The following SCHIP1 variants were observed in gnomAD, a reference collection of about 807,000 sequenced individuals.
The protein encoded by SCHIP1 is schwannomin interacting protein 1, also known as schwannomin-interacting protein 1.
A neutral mutation model predicts 29.7 loss-of-function variants in SCHIP1; 8 were observed. The observed-to-expected ratio is 0.27, with a 90% CI of 0.16 to 0.49. The LOEUF is 0.49. Among genes scored for constraint, SCHIP1 ranks in the 20% least tolerant of loss-of-function variants. The pLI, the probability that SCHIP1 is intolerant of heterozygous loss-of-function variation, is 0.99. For synonymous variants in SCHIP1, 76 were observed against 94.9 expected (o/e 0.80, Z 1.16); for missense variants, 193 against 294.6 (o/e 0.66, Z 2.52).
the SCHIP1 span, among the ~76,000 whole-genome samples, chr3:159,279,341 A>G: frequency 6.6e-6 from 1 of 152,110 alleles, no homozygotes; most frequent in Non-Finnish European, 1.5e-5. Flanking sequence ...CATGATTGTG[A>G]GGCCTCCCCA....
At chr3:159,824,958 T>G in the SCHIP1 span, among the ~76,000 whole-genome samples, 1 of 152,214 alleles carries the variant, frequency 6.6e-6, no homozygotes, top group African/African-American at 2.4e-5. Context: ...AATTTAAAAG[T>G]ATGTCTTTCA....
At chr3:159,756,368 C>G in the SCHIP1 span, among the ~76,000 whole-genome samples, 1 of 152,244 alleles carries the variant, frequency 6.6e-6, no homozygotes, top group African/African-American at 2.4e-5. Flanking sequence ...AAGACACAGC[C>G]TGAGCTCTAT....
intron 2 of SCHIP1, among the ~76,000 whole-genome samples, chr3:159,882,302 C>T (rs1716522075): frequency 6.6e-6 from 1 of 152,164 alleles, no homozygotes; most frequent in South Asian, 2.1e-4. Flanking sequence ...AAATTCAATG[C>T]AACAGTTCAA....
chr3:159,297,430 T>A, the SCHIP1 span, among the ~76,000 whole-genome samples: 4 of 152,102 alleles, frequency 2.6e-5, no homozygotes, highest in Non-Finnish European at 5.9e-5. Context: ...TTGCACTTGG[T>A]ACTTTAAGAC....
chr3:159,339,072 A>C, the SCHIP1 span, among the ~76,000 whole-genome samples: 1 of 152,098 alleles, frequency 6.6e-6, no homozygotes, highest in Non-Finnish European at 1.5e-5. Flanking sequence ...CATAGGTTCC[A>C]TGGCCATTTA....
At chr3:159,854,469 T>G (rs1201894206) in intron 1 of SCHIP1, among the ~76,000 whole-genome samples, 2 of 152,222 alleles carry the variant, frequency 1.3e-5, no homozygotes, top group African/African-American at 4.8e-5. Context: ...CTCCACAAGC[T>G]GAAACTTAAA....
At chr3:159,827,310 G>A in the SCHIP1 span, among the ~76,000 whole-genome samples, 3 of 152,068 alleles carry the variant, frequency 2.0e-5, no homozygotes, top group Non-Finnish European at 2.9e-5. Context: ...ATAACTAATA[G>A]CAATAGCATT....
chr3:159,503,998 C>T, the SCHIP1 span, among the ~76,000 whole-genome samples: 17 of 152,146 alleles, frequency 1.1e-4, no homozygotes, highest in African/African-American at 3.9e-4. Flanking sequence ...AGTAAAGTGC[C>T]TTCTATGCTG....
the SCHIP1 span, among the ~76,000 whole-genome samples, chr3:159,654,469 A>AT: frequency 6.6e-6 from 1 of 152,042 alleles, no homozygotes; most frequent in Admixed American, 6.6e-5. Context: ...CAAGTCTAAC[A>AT]TTTTTCTGGT....
chr3:159,522,694 C>T, the SCHIP1 span, among the ~76,000 whole-genome samples: 1 of 152,136 alleles, frequency 6.6e-6, no homozygotes, highest in South Asian at 2.1e-4. Flanking sequence ...CATGGTGAAA[C>T]TGTGTCTCTA....
chr3:159,539,783 A>T, the SCHIP1 span, among the ~76,000 whole-genome samples: 4 of 128,386 alleles, frequency 3.1e-5, 2 homozygotes, highest in Non-Finnish European at 7.2e-5. Context: ...TAAAACAAAC[A>T]TGCACACTAT....
chr3:159,736,936 A>T, the SCHIP1 span, among the ~76,000 whole-genome samples: 2 of 151,372 alleles, frequency 1.3e-5, no homozygotes, highest in Non-Finnish European at 2.9e-5. Flanking sequence ...GGGTTTCACC[A>T]TGTTAGCCAG....
At chr3:159,320,999 C>T in the SCHIP1 span, among the ~76,000 whole-genome samples, 4 of 152,132 alleles carry the variant, frequency 2.6e-5, no homozygotes, top group African/African-American at 7.2e-5. Flanking sequence ...GAATCTCTGT[C>T]TGTCACCCAG....
chr3:159,395,022 C>T, the SCHIP1 span, among the ~76,000 whole-genome samples: 2 of 152,186 alleles, frequency 1.3e-5, no homozygotes, highest in African/African-American at 4.8e-5. Flanking sequence ...AGAGATTCAA[C>T]TTATTCCTTG....
At chr3:159,666,441 A>C in the SCHIP1 span, among the ~76,000 whole-genome samples, 7 of 151,584 alleles carry the variant, frequency 4.6e-5, no homozygotes, top group Admixed American at 2.0e-4. Flanking sequence ...CTGCTCAAGA[A>C]AATCAGATGT....
the SCHIP1 span, among the ~76,000 whole-genome samples, chr3:159,582,476 G>A: frequency 2.0e-5 from 3 of 152,076 alleles, no homozygotes; most frequent in East Asian, 3.8e-4. Flanking sequence ...TGAAGGCTCG[G>A]ATGATTGTTA....
chr3:159,548,789 G>A, the SCHIP1 span, among the ~76,000 whole-genome samples: 1 of 151,962 alleles, frequency 6.6e-6, no homozygotes, highest in Non-Finnish European at 1.5e-5. Flanking sequence ...TAGTCATTAT[G>A]AATATGTTTC....
At chr3:159,449,478 C>T in the SCHIP1 span, among the ~76,000 whole-genome samples, 2 of 152,106 alleles carry the variant, frequency 1.3e-5, no homozygotes, top group African/African-American at 2.4e-5. Context: ...GGCCCAAAGA[C>T]ATTAACAATA....
At chr3:159,722,380 AG>A in the SCHIP1 span, 2 of 153,352 alleles carry the variant, frequency 1.3e-5, no homozygotes, top group African/African-American at 4.8e-5. Context: ...ACCAATAGAA[AG>A]TCTTCTCTTT....
Sources: allele counts gnomAD v4.1 joint callset (sites outside exome capture counted in the v4.1 genomes callset), GRCh38; gene constraint gnomAD v4.1.1; transcripts MANE v1.5; gene names NCBI Gene and HGNC (gene_info 2026-07-23, HGNC 2026-07-21).